GRIA4: variants seen among roughly 807,000 people sequenced by gnomAD.
GRIA4 encodes glutamate ionotropic receptor AMPA type subunit 4, also known as glutamate receptor 4.
A neutral mutation model predicts 104.0 loss-of-function variants in GRIA4; 34 were observed. The ratio of observed to expected loss-of-function variants is 0.33; its 90% CI spans 0.25 to 0.44. The LOEUF (loss-of-function observed/expected upper bound fraction) is 0.44. GRIA4 is among the 20% of genes least tolerant of loss of function. The pLI, the probability that GRIA4 is intolerant of heterozygous loss-of-function variation, is 1.00. For missense variants in GRIA4, 750 were observed against 1,096.5 expected (o/e 0.68, Z 4.46); for synonymous variants, 386 against 381.9 (o/e 1.01, Z -0.13).
chr11:105,780,357 C>A (rs1383115502), intron 4 of GRIA4, among the ~76,000 whole-genome samples: 1 of 152,086 alleles, frequency 6.6e-6, no homozygotes, highest in East Asian at 1.9e-4. Flanking sequence ...TCTCTATTTT[C>A]TATAATGGAA....
intron 5 of GRIA4, among the ~76,000 whole-genome samples, chr11:105,885,710 G>C (rs1946231448): frequency 6.6e-6 from 1 of 152,212 alleles, no homozygotes; most frequent in Admixed American, 6.5e-5. Flanking sequence ...CCTTGGCCTA[G>C]GCTTAGTTTG....
intron 4 of GRIA4, among the ~76,000 whole-genome samples, chr11:105,817,269 C>A (rs1260615073): frequency 1.3e-5 from 2 of 150,260 alleles, no homozygotes; most frequent in African/African-American, 4.9e-5. Flanking sequence ...AGTGAATTAT[C>A]ACAAAAGCAA....
chr11:105,814,798 C>T (rs1015018761), intron 4 of GRIA4, among the ~76,000 whole-genome samples: 8 of 152,150 alleles, frequency 5.3e-5, no homozygotes, highest in Non-Finnish European at 1.5e-5. Flanking sequence ...ATAGCCCTTT[C>T]CCTTATTCCT....
rs1365663789 is a variant in GRIA4, at chr11:105,800,233, T to C, written c.487+47013T>C. The stretch of plus-strand genomic sequence containing the variant: ...CTGCAGTTTTTGCCAATGTCAAAGG[T>C]ATAAACATGAGAGTGAGTGACTACA... On this transcript the variant is annotated intron_variant, in intron 4 of 16. Transcript: ENST00000282499. 2.6e-5 allele frequency among the ~76,000 whole-genome samples: 4 copies of C among 152,150 alleles called. 1 individual carries two copies. Among genetic ancestry groups the C allele is most frequent in the Non-Finnish European group, 1.5e-5 (1 of 67,962 alleles).
In GRIA4 at chr11:105,979,968, T is replaced by C; in HGVS notation, c.*229T>C. 1 of 442,890 alleles carries C rather than the reference T, an allele frequency of 2.3e-6. No homozygotes were observed. 27.4% of individuals were successfully genotyped at this position (442,890 alleles called of 1,614,324 possible). ...CAGGAAAACTCACAATTGAGGTTTT[T>C]TTCGGGGAGTGGGTGGGGGAGGGAT... On this transcript the variant is annotated 3_prime_UTR_variant, in exon 17 of 17. Coordinates refer to ENST00000282499, the MANE Select transcript of GRIA4 (RefSeq NM_000829.4).
At chr11:105,616,806 G>C (rs1296307783) in intron 3 of GRIA4, among the ~76,000 whole-genome samples, 1 of 151,558 alleles carries the variant, frequency 6.6e-6, no homozygotes, top group African/African-American at 2.4e-5. Flanking sequence ...ACTCTCATTA[G>C]CTTTTCTTAT....
At chr11:105,838,076 G>C (rs1159029532) in intron 4 of GRIA4, among the ~76,000 whole-genome samples, 1 of 151,868 alleles carries the variant, frequency 6.6e-6, no homozygotes, top group East Asian at 1.9e-4. Flanking sequence ...ATAAAAAGCT[G>C]GTTACAATGC....
intron 6 of GRIA4, among the ~76,000 whole-genome samples, chr11:105,892,319 G>A (rs1041916965): frequency 1.3e-5 from 2 of 152,012 alleles, no homozygotes; most frequent in African/African-American, 2.4e-5. Context: ...TTAGAATCTT[G>A]TTCTCCTTTA....
intron 3 of GRIA4, among the ~76,000 whole-genome samples, chr11:105,732,802 C>T (rs1938681635): frequency 6.6e-6 from 1 of 152,194 alleles, no homozygotes; most frequent in African/African-American, 2.4e-5. Flanking sequence ...AAAACAGTAT[C>T]TGGCACTTTC....
intron 9 of GRIA4, among the ~76,000 whole-genome samples, chr11:105,908,533 C>A (rs866094651): frequency 2.7e-5 from 4 of 150,038 alleles, no homozygotes; most frequent in Non-Finnish European, 4.4e-5. Context: ...CACATGAAAT[C>A]TACCATTAAT....
At chr11:105,901,465 A>G (rs1946851541) in intron 7 of GRIA4, among the ~76,000 whole-genome samples, 2 of 152,174 alleles carry the variant, frequency 1.3e-5, no homozygotes, top group Non-Finnish European at 2.9e-5. Flanking sequence ...ATAGGGCACT[A>G]TTTACCCTGC....
chr11:105,822,026 C>T (rs1348176002), intron 4 of GRIA4, among the ~76,000 whole-genome samples: 1 of 152,066 alleles, frequency 6.6e-6, no homozygotes, highest in Non-Finnish European at 1.5e-5. Context: ...GAACAATTTG[C>T]GTTACAAAGA....
At chr11:105,708,929 GAT>G (rs1491122975) in intron 3 of GRIA4, among the ~76,000 whole-genome samples, 1 of 151,988 alleles carries the variant, frequency 6.6e-6, no homozygotes, top group Non-Finnish European at 1.5e-5. Context: ...TAGATGTGTA[GAT>G]GTGTGTGTAA....
At chr11:105,875,220 T>C (rs1196678693) in intron 5 of GRIA4, among the ~76,000 whole-genome samples, 1 of 152,212 alleles carries the variant, frequency 6.6e-6, no homozygotes, top group Non-Finnish European at 1.5e-5. Flanking sequence ...TTATGTTTAT[T>C]GATTTGCATA....
intron 5 of GRIA4, among the ~76,000 whole-genome samples, chr11:105,874,203 G>A (rs1434750263): frequency 2.0e-5 from 3 of 152,086 alleles, no homozygotes; most frequent in Admixed American, 6.6e-5. Context: ...TTTTTGTAAG[G>A]TTTGTCAAAG....
chr11:105,782,487 G>A (rs1417026449), intron 4 of GRIA4, among the ~76,000 whole-genome samples: 1 of 152,118 alleles, frequency 6.6e-6, no homozygotes, highest in Non-Finnish European at 1.5e-5. Context: ...TTCTGTAACG[G>A]TGTAAATTTT....
chr11:105,688,495 G>A (rs574178772), intron 3 of GRIA4, among the ~76,000 whole-genome samples: 163 of 152,168 alleles, frequency 1.1e-3, no homozygotes, highest in Middle Eastern at 6.8e-3. Context: ...TGGGGCACGC[G>A]GAGCTTGTAG....
intron 4 of GRIA4, among the ~76,000 whole-genome samples, chr11:105,857,135 T>C (rs1945036475): frequency 6.6e-6 from 1 of 152,126 alleles, no homozygotes. Flanking sequence ...CCTTTGAACA[T>C]GTTATTTCAG....
chr11:105,928,203 C>T (rs1390340727), intron 13 of GRIA4, among the ~76,000 whole-genome samples: 1 of 151,882 alleles, frequency 6.6e-6, no homozygotes, highest in Non-Finnish European at 1.5e-5. Flanking sequence ...AATATCATAT[C>T]AAGAGCAAAT....
Sources: allele counts gnomAD v4.1 joint callset (sites outside exome capture counted in the v4.1 genomes callset), GRCh38; gene constraint gnomAD v4.1.1; transcripts MANE v1.5; gene names NCBI Gene and HGNC (gene_info 2026-07-23, HGNC 2026-07-21).